NKAIN3: variants seen among roughly 807,000 people sequenced by gnomAD.
The protein encoded by NKAIN3 is sodium/potassium-transporting ATPase subunit beta-1-interacting protein 3.
In NKAIN3, 25 loss-of-function variants were observed where a neutral mutation model predicts 30.2. The observed-to-expected ratio is 0.83, with a 90% CI of 0.60 to 1.16. NKAIN3 has a LOEUF of 1.16. Among genes scored for constraint, NKAIN3 ranks in the 50% most tolerant of loss-of-function variants. The pLI, the probability that NKAIN3 is intolerant of heterozygous loss-of-function variation, is 0.00. For missense variants in NKAIN3, 225 were observed against 254.1 expected, an observed-to-expected ratio of 0.89 and a Z score of 0.78; for synonymous variants, 91 against 89.6, an observed-to-expected ratio of 1.02 and a Z score of -0.09.
chr8:62,646,095 G>A (rs1812451238), intron 3 of NKAIN3, among the ~76,000 whole-genome samples: 2 of 147,056 alleles, frequency 1.4e-5, no homozygotes, highest in Admixed American at 6.8e-5. Context: ...ATATATCATA[G>A]ATGCAATGGC....
At chr8:62,905,730 G>A (rs1360804306) in intron 4 of NKAIN3, among the ~76,000 whole-genome samples, 2 of 152,054 alleles carry the variant, frequency 1.3e-5, no homozygotes, top group Admixed American at 6.6e-5. Flanking sequence ...ACAGCCAATA[G>A]CCTCAATTTC....
In NKAIN3 at chr8:62,335,788, T is replaced by A. The variant is rs545442789; in HGVS notation, c.54+86661T>A. ...GCTCTCCGTTTCTCTCTTGAATCCA[T>A]CCTCCTTTTCCATAAAAACTTTATG... On this transcript the variant is annotated intron_variant, in intron 1 of 6. Coordinates refer to ENST00000623646, the MANE Select transcript of NKAIN3 (RefSeq NM_001304533.3). 3.3e-5 allele frequency among the ~76,000 whole-genome samples: 5 copies of A among 152,142 alleles called. No individual in the cohort carries two copies. In the South Asian group the frequency reaches 1.0e-3, roughly 32 times the overall value.
chr8:62,516,586 A>G (rs1807997572), intron 1 of NKAIN3, among the ~76,000 whole-genome samples: 1 of 152,132 alleles, frequency 6.6e-6, no homozygotes, highest in Admixed American at 6.6e-5. Context: ...AAACTTGAGG[A>G]AAATTAAGAT....
At chr8:62,847,283 A>G (rs1414160037) in intron 4 of NKAIN3, among the ~76,000 whole-genome samples, 1 of 152,170 alleles carries the variant, frequency 6.6e-6, no homozygotes, top group Non-Finnish European at 1.5e-5. Flanking sequence ...ACAATGGTTG[A>G]ACTAATTTAC....
At chr8:62,889,382 T>A (rs1482148228) in intron 4 of NKAIN3, among the ~76,000 whole-genome samples, 2 of 151,432 alleles carry the variant, frequency 1.3e-5, no homozygotes, top group East Asian at 3.9e-4. Context: ...AAAAAAATAA[T>A]AATAATAATA....
At chr8:62,870,655 C>CTATATA (rs1554586632) in intron 4 of NKAIN3, among the ~76,000 whole-genome samples, 1 of 131,872 alleles carries the variant, frequency 7.6e-6, no homozygotes, top group South Asian at 2.3e-4. Flanking sequence ...ATATCTATAT[C>CTATATA]TAGATATATA....
chr8:62,882,405 G>A (rs76708538), intron 4 of NKAIN3, among the ~76,000 whole-genome samples: 3 of 152,000 alleles, frequency 2.0e-5, no homozygotes, highest in Non-Finnish European at 2.9e-5. Context: ...TGCAACCTCC[G>A]CCTCCCAGGC....
At chr8:62,660,487 C>T (rs981563001) in intron 3 of NKAIN3, among the ~76,000 whole-genome samples, 1 of 151,600 alleles carries the variant, frequency 6.6e-6, no homozygotes, top group Non-Finnish European at 1.5e-5. Flanking sequence ...CCCAATTACA[C>T]CTGGTGTTAT....
At chr8:62,541,703 T>A (rs1051848697) in intron 1 of NKAIN3, among the ~76,000 whole-genome samples, 1 of 152,144 alleles carries the variant, frequency 6.6e-6, no homozygotes, top group African/African-American at 2.4e-5. Context: ...ATTTTTTTCA[T>A]CTATTATCTT....
chr8:62,793,122 C>A (rs1214593892), intron 4 of NKAIN3, among the ~76,000 whole-genome samples: 1 of 151,920 alleles, frequency 6.6e-6, no homozygotes, highest in Admixed American at 6.6e-5. Flanking sequence ...AGTGAGTATG[C>A]CTAACCTGAC....
chr8:62,588,808 CTG>C (rs1810560457), intron 2 of NKAIN3, among the ~76,000 whole-genome samples: 1 of 151,740 alleles, frequency 6.6e-6, no homozygotes, highest in Non-Finnish European at 1.5e-5. Flanking sequence ...AATAGGCAAA[CTG>C]TTGTATTTGA....
At chr8:62,339,052 T>A (rs1317300114) in intron 1 of NKAIN3, among the ~76,000 whole-genome samples, 1 of 151,988 alleles carries the variant, frequency 6.6e-6, no homozygotes, top group Non-Finnish European at 1.5e-5. Context: ...GTAGTTGGCA[T>A]TAAGAAGAAT....
chr8:62,797,328 G>A (rs1363667981), intron 4 of NKAIN3, among the ~76,000 whole-genome samples: 1 of 152,114 alleles, frequency 6.6e-6, no homozygotes, highest in Non-Finnish European at 1.5e-5. Flanking sequence ...AGACTCCTTG[G>A]TCATAGGTGA....
At chr8:62,611,363 C>T (rs954584459) in intron 3 of NKAIN3, among the ~76,000 whole-genome samples, 5 of 152,042 alleles carry the variant, frequency 3.3e-5, no homozygotes, top group Non-Finnish European at 7.4e-5. Flanking sequence ...ACTAGAGTCA[C>T]CCTATTGTGC....
At chr8:62,926,674 TTTC>T (rs1173395058) in intron 5 of NKAIN3, among the ~76,000 whole-genome samples, 5 of 152,076 alleles carry the variant, frequency 3.3e-5, no homozygotes, top group Non-Finnish European at 7.4e-5. Context: ...CCGGCGGCTT[TTTC>T]CTCCTCTGCC....
chr8:62,623,263 C>A (rs958595623), intron 3 of NKAIN3, among the ~76,000 whole-genome samples: 1 of 151,914 alleles, frequency 6.6e-6, no homozygotes, highest in Non-Finnish European at 1.5e-5. Context: ...CTTTGACCAA[C>A]CAAGGAAAGA....
Position 62,968,546 on chromosome 8 carries a change from A to C in NKAIN3, c.*3139A>C, listed in dbSNP as rs1823761797. ...ATTGGTCAGAATCTTAACTATCTTA[A>C]GAGATGGTGCAGCTCTAGATTCAAT... On this transcript the variant is annotated 3_prime_UTR_variant, in exon 7 of 7. Transcript: ENST00000623646. Among the ~76,000 whole-genome samples, 1 of 152,194 alleles carries C rather than the reference A, an allele frequency of 6.6e-6. No homozygotes were observed. Among genetic ancestry groups the C allele is most frequent in the South Asian group, 2.1e-4 (1 of 4,834 alleles).
At chr8:62,879,329 C>T (rs1405723483) in intron 4 of NKAIN3, among the ~76,000 whole-genome samples, 1 of 152,126 alleles carries the variant, frequency 6.6e-6, no homozygotes, top group East Asian at 1.9e-4. Flanking sequence ...AGTGTCTGTT[C>T]ATATCCTTTG....
intron 1 of NKAIN3, among the ~76,000 whole-genome samples, chr8:62,327,039 G>T (rs1235730843): frequency 6.6e-6 from 1 of 151,942 alleles, no homozygotes; most frequent in Non-Finnish European, 1.5e-5. Flanking sequence ...ATCTCATTAT[G>T]GTTTTGATTT....
Sources: gnomAD v4.1 joint callset for allele counts (sites outside exome capture counted in the v4.1 genomes callset) on GRCh38, gnomAD v4.1.1 for gene constraint, MANE v1.5 for transcripts, NCBI Gene and HGNC (gene_info 2026-07-23, HGNC 2026-07-21) for gene names.